Variants in CEMIP observed in about 807,000 individuals in gnomAD.
CEMIP encodes cell migration-inducing and hyaluronan-binding protein.
Under a neutral mutation model 156.9 loss-of-function variants are expected in CEMIP, and 105 were observed. The observed-to-expected ratio is 0.67, with a 90% CI of 0.57 to 0.79. The LOEUF is 0.79. CEMIP is among the 30% of genes least tolerant of loss of function. The pLI is 0.00. For synonymous variants in CEMIP, 676 were observed against 668.4 expected (o/e 1.01, Z -0.17); for missense variants, 1,457 against 1,769.4 (o/e 0.82, Z 3.17).
chr15:80,878,909 C>T, intron 4 of CEMIP, 42 bp downstream of exon 4: 2 of 1,612,254 alleles, frequency 1.2e-6, no homozygotes, highest in African/African-American at 1.3e-5. Flanking sequence ...CCCTCCACTG[C>T]CCCAGAGCTT....
intron 12 of CEMIP, among the ~76,000 whole-genome samples, chr15:80,897,043 A>C (rs1237445738): frequency 6.6e-6 from 1 of 152,208 alleles, no homozygotes; most frequent in Admixed American, 6.5e-5. Context: ...AGGCAGGAAC[A>C]GTCATTGAAA....
Position 80,881,094 on chromosome 15 carries a change from A to T in CEMIP, c.575A>T (p.His192Leu). ...TGGGGCCACCGTGGAGTTATTGTTC[A>T]TGTCATCGACCCCAAATCAGGCACA... The part of the protein sequence containing the change: ...RSWGHRGVIV[H>L]VIDPKSGTVI... The change falls in exon 6 of 30, where the codon CAT (histidine) becomes CTT (leucine). Residue 192 changes from histidine (H) to leucine (L), a missense_variant. Physicochemically the swap from His to Leu is moderately conservative, Grantham distance 99 (BLOSUM62 -3). Coordinates refer to ENST00000394685, the MANE Select transcript of CEMIP (RefSeq NM_001293298.2). 4 of 1,614,230 alleles carry T rather than the reference A, an allele frequency of 2.5e-6. No individual in the cohort carries two copies. The highest frequency in any genetic ancestry group is 1.7e-6 in the Non-Finnish European group (2 of 1,180,038).
intron 9 of CEMIP, 81 bp downstream of exon 9, chr15:80,888,877 T>C: frequency 8.4e-7 from 1 of 1,196,996 alleles, no homozygotes; most frequent in South Asian, 1.2e-5. Flanking sequence ...AACTAGGATT[T>C]ATCTCTTATA....
At chr15:80,894,260 G>C (rs1358401138) in intron 10 of CEMIP, among the ~76,000 whole-genome samples, 1 of 152,222 alleles carries the variant, frequency 6.6e-6, no homozygotes, top group Non-Finnish European at 1.5e-5. Context: ...GGGCTTAGAA[G>C]TGTTGTGATG....
intron 13 of CEMIP, among the ~76,000 whole-genome samples, chr15:80,908,179 G>T (rs1485399676): frequency 5.3e-5 from 8 of 152,176 alleles, no homozygotes; most frequent in Non-Finnish European, 1.0e-4. Flanking sequence ...ACTCATTAGT[G>T]ATACTAAAGC....
In CEMIP at chr15:80,906,928, G is replaced by T; in HGVS notation, c.1587+90G>T. 1 of 1,420,532 alleles carries T rather than the reference G, an allele frequency of 7.0e-7. No homozygotes were observed. Among genetic ancestry groups the T allele is most frequent in the Non-Finnish European group, 9.7e-7 (1 of 1,029,078 alleles). 88.0% of individuals were successfully genotyped at this position (1,420,532 alleles called of 1,614,324 possible). A position where few individuals can be genotyped will look rare whatever the true frequency, so the allele number is the denominator to read the frequency against. ...GACGGGCCTTCTTGGTAGGGATGAG[G>T]GTGGGGGAACAGGAGGTGGGATCAA... On this transcript the variant is annotated intron_variant, in intron 13 of 29. Transcript: ENST00000394685. The surrounding 1 kb of genome is among the most constrained non-coding windows in gnomAD (Gnocchi z 4.3).
Position 80,914,499 on chromosome 15 carries a change from G to C in CEMIP, c.1797+5193G>C, listed in dbSNP as rs1042943446. 2.6e-5 allele frequency among the ~76,000 whole-genome samples: 4 copies of C among 152,142 alleles called. No individual in the cohort carries two copies. The East Asian group carries it at 7.7e-4, about 29-fold the overall frequency. On this transcript the variant is annotated intron_variant, in intron 14 of 29. Coordinates refer to ENST00000394685, the MANE Select transcript of CEMIP (RefSeq NM_001293298.2). ...CTGCTCCAGGGGTGCCATCTATATG[G>C]ACTGCAGCCAGTCCCCAGGTGCCCC...
chr15:80,853,006 G>C (rs1434255072), intron 1 of CEMIP, among the ~76,000 whole-genome samples: 1 of 152,182 alleles, frequency 6.6e-6, no homozygotes, highest in Non-Finnish European at 1.5e-5. Flanking sequence ...GGGATACCAG[G>C]TGAGTCAGGA....
chr15:80,918,564 T>C (rs1026328062), intron 14 of CEMIP, among the ~76,000 whole-genome samples: 13 of 152,114 alleles, frequency 8.5e-5, no homozygotes, highest in African/African-American at 2.9e-4. Flanking sequence ...GGTATGTGGA[T>C]TTTCCAGTGC....
intron 1 of CEMIP, among the ~76,000 whole-genome samples, chr15:80,821,978 C>T (rs1194199713): frequency 6.6e-6 from 1 of 152,236 alleles, no homozygotes; most frequent in Admixed American, 6.5e-5. Context: ...AGCTGGTTTT[C>T]TTTTCCTCCT....
intron 1 of CEMIP, among the ~76,000 whole-genome samples, chr15:80,799,165 C>T (rs1896309145): frequency 6.6e-6 from 1 of 152,232 alleles, no homozygotes; most frequent in South Asian, 2.1e-4. Context: ...TCTTAGCAGA[C>T]CAGGCCTGGG....
chr15:80,831,315 G>T (rs1596118525), intron 1 of CEMIP, among the ~76,000 whole-genome samples: 1 of 152,306 alleles, frequency 6.6e-6, no homozygotes, highest in East Asian at 1.9e-4. Context: ...GGGTGGCTGG[G>T]GGATTGGGGG....
intron 16 of CEMIP, among the ~76,000 whole-genome samples, 158 bp downstream of exon 16, chr15:80,921,259 G>C (rs1036375215): frequency 1.3e-5 from 2 of 152,148 alleles, no homozygotes; most frequent in Non-Finnish European, 2.9e-5. Context: ...CGACAGACTG[G>C]GGGTGGTGGG....
chr15:80,788,471 C>CAAAAAAAAAAAAAAAA (rs11320710), intron 1 of CEMIP, among the ~76,000 whole-genome samples: 1 of 79,322 alleles, frequency 1.3e-5, no homozygotes, highest in Admixed American at 1.4e-4. Context: ...AACTCCATCT[C>CAAAAAAAAAAAAAAAA]AAAAAAAAAA....
chr15:80,807,791 G>A (rs573673746), intron 1 of CEMIP, among the ~76,000 whole-genome samples: 75 of 152,326 alleles, frequency 4.9e-4, no homozygotes, highest in African/African-American at 1.8e-3. Context: ...TCAGTGCTCT[G>A]CCATTGCATT....
At chr15:80,943,606 A>G (rs893829860) in intron 28 of CEMIP, among the ~76,000 whole-genome samples, 2 of 152,144 alleles carry the variant, frequency 1.3e-5, no homozygotes, top group African/African-American at 2.4e-5. Flanking sequence ...AAATCATCAC[A>G]ATTCATCCTG....
At chr15:80,921,865 G>T in intron 16 of CEMIP, 144 bp from the exon 17 acceptor site, 1 of 935,226 alleles carries the variant, frequency 1.1e-6, no homozygotes, top group East Asian at 2.4e-5. Flanking sequence ...ACATGGAGGT[G>T]TGTTGGGGGT....
At chr15:80,802,359 C>T (rs760213560) in intron 1 of CEMIP, among the ~76,000 whole-genome samples, 22 of 152,236 alleles carry the variant, frequency 1.4e-4, no homozygotes, top group Non-Finnish European at 3.1e-4. Context: ...GCCCTGTTAT[C>T]CCTTTCGCCC....
At chr15:80,883,458 G>T (rs1271726386) in intron 6 of CEMIP, among the ~76,000 whole-genome samples, 1 of 152,138 alleles carries the variant, frequency 6.6e-6, no homozygotes, top group Middle Eastern at 3.2e-3. Flanking sequence ...CTCAAGGTAA[G>T]TGTTCTTACC....
Sources: gnomAD v4.1 joint callset for allele counts (sites outside exome capture counted in the v4.1 genomes callset) on GRCh38, gnomAD v4.1.1 for gene constraint, Gnocchi (gnomAD v3.1) non-coding constraint, MANE v1.5 for transcripts, NCBI Gene and HGNC (gene_info 2026-07-23, HGNC 2026-07-21) for gene names.